HBS1L: variants seen among roughly 807,000 people sequenced by gnomAD.
HBS1L encodes the protein HBS1-like protein.
HBS1L carries 55 observed loss-of-function variants against 88.9 expected under a neutral mutation model. The observed-to-expected ratio is 0.62, with a 90% CI of 0.50 to 0.77. The LOEUF (loss-of-function observed/expected upper bound fraction) is 0.77. HBS1L is among the 30% of genes least tolerant of loss of function. The probability of loss-of-function intolerance (pLI) is 0.00; values close to 1 mark genes in which losing one functional copy is unlikely to be tolerated. For missense variants in HBS1L, 741 were observed against 829.3 expected, an observed-to-expected ratio of 0.89 and a Z score of 1.31; for synonymous variants, 267 against 288.5, an observed-to-expected ratio of 0.93 and a Z score of 0.76.
chr6:135,026,000 GCAA>G (rs776281673), intron 4 of HBS1L, among the ~76,000 whole-genome samples: 10 of 152,258 alleles, frequency 6.6e-5, no homozygotes, highest in African/African-American at 2.4e-4. Context: ...TTAGCAACAT[GCAA>G]CAATAGAAAA....
chr6:134,981,804 T>C (rs893212214), intron 13 of HBS1L, among the ~76,000 whole-genome samples: 2 of 151,922 alleles, frequency 1.3e-5, no homozygotes, highest in Non-Finnish European at 2.9e-5. Flanking sequence ...ATGTAACATA[T>C]AACATGTATA....
intron 15 of HBS1L, among the ~76,000 whole-genome samples, chr6:134,975,960 T>C (rs766164972): frequency 1.3e-5 from 2 of 151,898 alleles, no homozygotes; most frequent in Non-Finnish European, 2.9e-5. Context: ...ATCCTGAACA[T>C]AGTAAACAGA....
chr6:135,045,032 AAGT>A (rs779269902), intron 2 of HBS1L, among the ~76,000 whole-genome samples: 55 of 152,000 alleles, frequency 3.6e-4, no homozygotes, highest in Non-Finnish European at 4.7e-4. Context: ...ACTATTTTGG[AAGT>A]AGTAATGGTT....
chr6:135,009,865 C>T (rs1775725408), intron 4 of HBS1L, among the ~76,000 whole-genome samples: 1 of 151,404 alleles, frequency 6.6e-6, no homozygotes, highest in African/African-American at 2.4e-5. Context: ...CTCCTGACCT[C>T]GTGATCCGCC....
In HBS1L at chr6:135,010,552, C is replaced by T. The variant is rs1056331277; in HGVS notation, c.431-7710G>A. Among the ~76,000 whole-genome samples the T allele has an allele frequency of 9.2e-5, 14 of 152,046 alleles. 1 individual carries two copies. The highest frequency in any genetic ancestry group is 3.4e-4 in the African/African-American group (14 of 41,372). ...AAATGATTTTAGGTGATAATAGGAT[C>T]AAGAAGTACTACAATAAATATGTAT... On this transcript the variant is annotated intron_variant, in intron 4 of 17. Coordinates refer to ENST00000367837, the MANE Select transcript of HBS1L (RefSeq NM_006620.4).
At chr6:135,043,561 A>T (rs558259095) in intron 2 of HBS1L, among the ~76,000 whole-genome samples, 8 of 152,354 alleles carry the variant, frequency 5.3e-5, no homozygotes, top group African/African-American at 1.9e-4. Flanking sequence ...TGTAAAAGTC[A>T]ATGGCCTTAC....
intron 4 of HBS1L, chr6:135,035,833 C>T: frequency 1.5e-6 from 1 of 652,288 alleles, no homozygotes; most frequent in Non-Finnish European, 1.9e-6. Context: ...GTAAAATTCT[C>T]CATTCAAAGA....
Position 135,023,337 on chromosome 6 carries a change from G to T in HBS1L, c.430+16236C>A, listed in dbSNP as rs149789189. ...CGGGCGCCTGTAGTCCCAGCTACTTGGGAGGCTGAGGCAGGAGAGTGGTGT... is the reference window on the plus strand; with the variant it reads ...CGGGCGCCTGTAGTCCCAGCTACTTTGGAGGCTGAGGCAGGAGAGTGGTGT... On this transcript the variant is annotated intron_variant, in intron 4 of 17. Transcript: ENST00000367837. Among the ~76,000 whole-genome samples the T allele has an allele frequency of 4.9e-3, 744 of 152,214 alleles. 6 individuals carry two copies. Among genetic ancestry groups the T allele is most frequent in the African/African-American group, 0.017 (713 of 41,548 alleles).
intron 4 of HBS1L, chr6:135,037,919 A>G: frequency 6.4e-7 from 1 of 1,551,158 alleles, no homozygotes; most frequent in South Asian, 1.2e-5. Flanking sequence ...TTTCCTACTG[A>G]GCTAGCAAAA....
intron 2 of HBS1L, 124 bp from the exon 3 acceptor site, chr6:135,042,250 G>A (rs1269444655): frequency 1.3e-6 from 1 of 796,526 alleles, no homozygotes; most frequent in African/African-American, 1.7e-5. Flanking sequence ...TATTTCATAA[G>A]GGATGAAAAC....
intron 4 of HBS1L, chr6:135,036,894 A>G: frequency 1.9e-6 from 3 of 1,551,654 alleles, no homozygotes; most frequent in Non-Finnish European, 2.6e-6. Context: ...CTAGCTTTGA[A>G]CTTAGAACTT....
chr6:134,994,284 T>C (rs1456513294), intron 7 of HBS1L, among the ~76,000 whole-genome samples: 1 of 152,090 alleles, frequency 6.6e-6, no homozygotes, highest in East Asian at 1.9e-4. Context: ...GCTTCACTAA[T>C]TATAGAAATG....
chr6:134,996,723 T>TG (rs1775298198), intron 7 of HBS1L, 54 bp downstream of exon 7: 1 of 1,309,354 alleles, frequency 7.6e-7, no homozygotes, highest in African/African-American at 1.5e-5. Flanking sequence ...ATTACACACT[T>TG]ATTTTAGAAG....
intron 4 of HBS1L, among the ~76,000 whole-genome samples, chr6:135,017,849 T>G (rs1361061333): frequency 6.6e-6 from 1 of 152,000 alleles, no homozygotes; most frequent in Non-Finnish European, 1.5e-5. Flanking sequence ...GGGGAATTTT[T>G]TTATATTTAT....
intron 1 of HBS1L, among the ~76,000 whole-genome samples, chr6:135,051,459 A>T (rs1408234841): frequency 6.6e-6 from 1 of 152,140 alleles, no homozygotes; most frequent in African/African-American, 2.4e-5. Flanking sequence ...CTGATGGCTA[A>T]CTGCCCTTTT....
rs41287044 is a variant in HBS1L, at chr6:134,963,221, T to C, written c.*2058A>G. The C allele has an allele frequency of 5.3e-5, 8 of 152,256 alleles. No individual in the cohort carries two copies. The highest frequency in any genetic ancestry group is 7.4e-5 in the Non-Finnish European group (5 of 67,996). The allele number at this position is 152,256 out of a possible 1,614,324, so 9.4% of individuals were successfully genotyped here. A position where few individuals can be genotyped will look rare whatever the true frequency, so the allele number is the denominator to read the frequency against. On this transcript the variant is annotated 3_prime_UTR_variant, in exon 18 of 18. Coordinates refer to ENST00000367837, the MANE Select transcript of HBS1L (RefSeq NM_006620.4). Reference sequence around the variant, plus strand: ...TGTTAGCTACATGCTTTGTGTGATATTAACTTCACACTCAAACACAGGATA... The same window carrying C: ...TGTTAGCTACATGCTTTGTGTGATACTAACTTCACACTCAAACACAGGATA...
intron 4 of HBS1L, among the ~76,000 whole-genome samples, chr6:135,003,949 T>G (rs1775538001): frequency 6.6e-6 from 1 of 151,624 alleles, no homozygotes; most frequent in Non-Finnish European, 1.5e-5. Flanking sequence ...AAAGTAAGAC[T>G]TTTTTTTGCA....
At chr6:134,980,366 G>C (rs778519022) in intron 13 of HBS1L, among the ~76,000 whole-genome samples, 11 of 151,868 alleles carry the variant, frequency 7.2e-5, no homozygotes, top group Non-Finnish European at 1.5e-4. Flanking sequence ...CTTTCTTCAG[G>C]TATCAGAGAT....
At chr6:135,033,100 AGAGTG>A (rs1226052093) in intron 4 of HBS1L, among the ~76,000 whole-genome samples, 1 of 152,190 alleles carries the variant, frequency 6.6e-6, no homozygotes, top group Non-Finnish European at 1.5e-5. Flanking sequence ...GAAACCAAAA[AGAGTG>A]AAGAGCAAAA....
Sources: gnomAD v4.1 joint callset for allele counts (sites outside exome capture counted in the v4.1 genomes callset) on GRCh38, gnomAD v4.1.1 for gene constraint, MANE v1.5 for transcripts, NCBI Gene and HGNC (gene_info 2026-07-23, HGNC 2026-07-21) for gene names.